Variants in MAD1L1 observed in about 807,000 individuals in gnomAD.
MAD1L1 encodes the protein mitotic spindle assembly checkpoint protein MAD1.
In MAD1L1, 95 loss-of-function variants were observed where a neutral mutation model predicts 96.9. That is an observed-to-expected ratio of 0.98 (90% confidence interval 0.83 to 1.16). MAD1L1 has a LOEUF of 1.16. MAD1L1 is among the 50% of genes most tolerant of loss of function. MAD1L1 has a pLI of 0.00. For synonymous variants in MAD1L1, 473 were observed against 396.6 expected (o/e 1.19, Z -2.29); for missense variants, 1,007 against 954.4 (o/e 1.06, Z -0.73).
intron 17 of MAD1L1, among the ~76,000 whole-genome samples, chr7:1,927,885 C>A (rs58466333): frequency 2.6e-5 from 4 of 152,114 alleles, no homozygotes; most frequent in Non-Finnish European, 5.9e-5. Flanking sequence ...AGGCTCGTCA[C>A]GGGCTGGGAG....
rs549233408 is a variant in MAD1L1, at chr7:1,907,497, T to C, written c.1808-9107A>G. 3.5e-3 allele frequency among the ~76,000 whole-genome samples: 528 copies of C among 152,368 alleles called. 1 individual carries two copies. Among genetic ancestry groups the C allele is most frequent in the Non-Finnish European group, 5.6e-3 (379 of 68,036 alleles). On this transcript the variant is annotated intron_variant, in intron 17 of 18. Transcript: ENST00000265854. ...TTTCACCATTAAACAAGGCAGCCCC[T>C]GAGGCCCAGGCCAAGCCAGGAGGAC...
At chr7:1,974,730 C>G (rs1780555472) in intron 15 of MAD1L1, among the ~76,000 whole-genome samples, 1 of 152,282 alleles carries the variant, frequency 6.6e-6, no homozygotes, top group Non-Finnish European at 1.5e-5. Context: ...GATCAGTGAA[C>G]AGAGCCAGGA....
At chr7:2,065,959 G>A (rs55860148) in intron 12 of MAD1L1, among the ~76,000 whole-genome samples, 30,322 of 152,236 alleles carry the variant, frequency 0.2, 3,662 homozygotes, top group South Asian at 0.38. Context: ...TGGAGAAACG[G>A]CTCATTTCAA....
chr7:2,081,809 G>T (rs537836801), intron 11 of MAD1L1, among the ~76,000 whole-genome samples: 1 of 152,242 alleles, frequency 6.6e-6, no homozygotes, highest in Non-Finnish European at 1.5e-5. Flanking sequence ...TAGCTGGTGG[G>T]AAAGCGGGAG....
chr7:2,022,891 T>G (rs770002646), intron 12 of MAD1L1, among the ~76,000 whole-genome samples: 6 of 152,030 alleles, frequency 3.9e-5, no homozygotes, highest in Non-Finnish European at 8.8e-5. Context: ...AAAAGAACGG[T>G]GGAGCAGCTT....
At chr7:1,931,675 C>T (rs1251917855) in intron 17 of MAD1L1, among the ~76,000 whole-genome samples, 2 of 151,914 alleles carry the variant, frequency 1.3e-5, no homozygotes, top group African/African-American at 4.8e-5. Context: ...CTCCCTCCTC[C>T]TGGTCCCCTT....
At chr7:2,085,068 C>T (rs1452228693) in intron 11 of MAD1L1, among the ~76,000 whole-genome samples, 1 of 152,176 alleles carries the variant, frequency 6.6e-6, no homozygotes, top group African/African-American at 2.4e-5. Context: ...GGCCAGCAGT[C>T]AGTGATGAGC....
intron 9 of MAD1L1, among the ~76,000 whole-genome samples, chr7:2,214,075 C>T (rs1392386535): frequency 6.6e-6 from 1 of 152,262 alleles, no homozygotes; most frequent in Non-Finnish European, 1.5e-5. Flanking sequence ...AGAACATTCG[C>T]TACGCGCCAG....
At chr7:2,034,772 G>A (rs1010154378) in intron 12 of MAD1L1, among the ~76,000 whole-genome samples, 4 of 152,236 alleles carry the variant, frequency 2.6e-5, no homozygotes, top group African/African-American at 9.6e-5. Context: ...GAGGAAAGGA[G>A]AGAAGGGAGA....
chr7:2,201,665 A>C (rs1229869392), intron 10 of MAD1L1, among the ~76,000 whole-genome samples: 1 of 152,232 alleles, frequency 6.6e-6, no homozygotes. Flanking sequence ...GAGCTCCGAG[A>C]CCAAGTGATA....
chr7:1,906,838 A>T (rs116937070), intron 17 of MAD1L1, among the ~76,000 whole-genome samples: 158 of 152,292 alleles, frequency 1.0e-3, no homozygotes, highest in Non-Finnish European at 2.0e-3. Flanking sequence ...GCTTAACCAC[A>T]AGCAAGCACA....
chr7:1,865,067 G>C (rs1026463741), intron 18 of MAD1L1, among the ~76,000 whole-genome samples: 11 of 152,128 alleles, frequency 7.2e-5, no homozygotes, highest in African/African-American at 2.2e-4. Flanking sequence ...CACTTGTCTA[G>C]TGACACCCTT....
chr7:2,204,911 T>C (rs1158693610), intron 10 of MAD1L1, among the ~76,000 whole-genome samples: 2 of 152,242 alleles, frequency 1.3e-5, no homozygotes, highest in African/African-American at 4.8e-5. Context: ...CAGGCCTGGC[T>C]GCTCTGCATC....
intron 18 of MAD1L1, among the ~76,000 whole-genome samples, chr7:1,843,355 C>T (rs1277368439): frequency 3.3e-5 from 5 of 152,154 alleles, no homozygotes; most frequent in Non-Finnish European, 5.9e-5. Flanking sequence ...GGAGCTCCTG[C>T]GCAGACGTCC....
chr7:2,131,282 T>C (rs958022789), intron 11 of MAD1L1, among the ~76,000 whole-genome samples: 3 of 152,164 alleles, frequency 2.0e-5, no homozygotes, highest in Non-Finnish European at 2.9e-5. Context: ...GCATGTACTA[T>C]GGTCTGGAGA....
chr7:1,916,406 G>C (rs1391215663), intron 17 of MAD1L1, among the ~76,000 whole-genome samples: 1 of 152,204 alleles, frequency 6.6e-6, no homozygotes, highest in Non-Finnish European at 1.5e-5. Flanking sequence ...TGGTCCGTCT[G>C]TGCTAGGCAG....
chr7:1,983,921 C>T (rs1462556811), intron 14 of MAD1L1, among the ~76,000 whole-genome samples: 1 of 152,168 alleles, frequency 6.6e-6, no homozygotes, highest in Non-Finnish European at 1.5e-5. Flanking sequence ...TTTTCACTTT[C>T]CTATTAACTT....
intron 16 of MAD1L1, among the ~76,000 whole-genome samples, chr7:1,943,958 G>A (rs1779114249): frequency 6.6e-6 from 1 of 152,212 alleles, no homozygotes; most frequent in African/African-American, 2.4e-5. Context: ...GTGCACAGTG[G>A]GGTGTTTCAG....
At chr7:1,941,329 C>T (rs1260578522) in intron 16 of MAD1L1, among the ~76,000 whole-genome samples, 2 of 152,180 alleles carry the variant, frequency 1.3e-5, no homozygotes, top group East Asian at 3.9e-4. Context: ...ACCGGCCCAT[C>T]ATCCTGGGAT....
Sources: gnomAD v4.1 joint callset for allele counts (sites outside exome capture counted in the v4.1 genomes callset) on GRCh38, gnomAD v4.1.1 for gene constraint, MANE v1.5 for transcripts, NCBI Gene and HGNC (gene_info 2026-07-23, HGNC 2026-07-21) for gene names.